Variants in EML5 observed in about 807,000 individuals in gnomAD.
EML5 encodes the protein echinoderm microtubule-associated protein-like 5.
EML5 carries 120 observed loss-of-function variants against 250.0 expected under a neutral mutation model. That is an observed-to-expected ratio of 0.48 (90% CI 0.41 to 0.56). The LOEUF (loss-of-function observed/expected upper bound fraction) is 0.56. EML5 is among the 20% of genes least tolerant of loss of function. The pLI is 0.00. For synonymous variants in EML5, 771 were observed against 806.5 expected, an observed-to-expected ratio of 0.96 and a Z score of 0.75; for missense variants, 2,006 against 2,437.6, an observed-to-expected ratio of 0.82 and a Z score of 3.73.
At chr14:88,680,293 G>T (rs2092689854) in intron 21 of EML5, among the ~76,000 whole-genome samples, 4 of 151,682 alleles carry the variant, frequency 2.6e-5, no homozygotes. Context: ...TTTTCTTCTA[G>T]TATTACAACC....
At position 88,621,309 on chromosome 14, in the gene EML5, AC is replaced by A. The variant is rs752164769; in HGVS notation, c.5014-9del. The A allele has an allele frequency of 6.2e-7, 1 of 1,613,840 alleles. No individual in the cohort carries two copies. Among genetic ancestry groups the A allele is most frequent in the East Asian group, 2.2e-5 (1 of 44,860 alleles). ...CCCAACAAGGATCTTGCCCTGAAAC[AC>A]AAGCAGGACCAATACAGTGAATGTA... On this transcript the variant is annotated splice_polypyrimidine_tract_variant and intron_variant, in intron 37 of 43. Transcript: ENST00000554922.
At chr14:88,763,361 A>G (rs1232599947) in intron 1 of EML5, among the ~76,000 whole-genome samples, 3 of 152,244 alleles carry the variant, frequency 2.0e-5, no homozygotes, top group African/African-American at 7.2e-5. Context: ...CTACCATCAG[A>G]GAATACTATA....
intron 21 of EML5, among the ~76,000 whole-genome samples, chr14:88,679,242 G>T (rs2092665371): frequency 6.7e-6 from 1 of 150,134 alleles, no homozygotes; most frequent in Non-Finnish European, 1.5e-5. Context: ...AGTACTGGGG[G>T]GTTAGAACTT....
In EML5 at chr14:88,785,230, G is replaced by A. The variant is rs188685479; in HGVS notation, c.197+7077C>T. Among the ~76,000 whole-genome samples, 282 of 152,020 alleles carry A rather than the reference G, an allele frequency of 1.9e-3. 1 individual carries two copies. The highest frequency in any genetic ancestry group is 6.4e-3 in the African/African-American group (267 of 41,504). On this transcript the variant is annotated intron_variant, in intron 1 of 43. Coordinates refer to ENST00000554922, the MANE Select transcript of EML5 (RefSeq NM_183387.3). ...CAGGGGGAAGTGGGGATGGTTAATG[G>A]GTACAAAAAAAGAGTTAGAATGAAT...
chr14:88,688,550 CTGT>C (rs896308878), intron 17 of EML5, 77 bp from the exon 18 acceptor site: 232 of 1,453,384 alleles, frequency 1.6e-4, no homozygotes, highest in Non-Finnish European at 1.8e-4. Context: ...TTCTTTTCTA[CTGT>C]TGTTGTTGTT....
chr14:88,665,713 G>A (rs2092287970), intron 21 of EML5, among the ~76,000 whole-genome samples: 1 of 152,118 alleles, frequency 6.6e-6, no homozygotes, highest in Admixed American at 6.6e-5. Flanking sequence ...AAGGGGCGAG[G>A]GGGAAGAGAG....
intron 7 of EML5, among the ~76,000 whole-genome samples, chr14:88,730,874 C>T (rs981215263): frequency 2.6e-5 from 4 of 151,918 alleles, no homozygotes; most frequent in South Asian, 2.1e-4. Context: ...ATTATGAAAA[C>T]GTAAGGGGTT....
chr14:88,665,686 G>C (rs1434831657), intron 21 of EML5, among the ~76,000 whole-genome samples, 197 bp from the exon 22 acceptor site: 1 of 152,148 alleles, frequency 6.6e-6, no homozygotes, highest in African/African-American at 2.4e-5. Context: ...TAGGGGAAGG[G>C]GCAAGGGGCA....
intron 1 of EML5, among the ~76,000 whole-genome samples, chr14:88,765,004 T>G (rs1184583662): frequency 3.3e-5 from 5 of 152,196 alleles, no homozygotes; most frequent in African/African-American, 7.2e-5. Context: ...TTCTATGCCA[T>G]GAATAATAAA....
chr14:88,635,457 G>C (rs538784101), intron 32 of EML5, among the ~76,000 whole-genome samples: 2 of 152,298 alleles, frequency 1.3e-5, no homozygotes, highest in South Asian at 4.1e-4. Context: ...GGAGAGACTA[G>C]GTTTGTCTCT....
At position 88,696,860 on chromosome 14, in the gene EML5, G is replaced by A. The variant is rs772474535; in HGVS notation, c.2331C>T (p.Ala777=). The change falls in exon 15 of 44, where the codon GCC becomes GCT. Residue 777 remains alanine (A), a synonymous_variant. Coordinates refer to ENST00000554922, the MANE Select transcript of EML5 (RefSeq NM_183387.3). ...LKGHHQYGVS[A]VDFSADGKRL... is the part of the protein sequence containing the mutation. ...AAACAGCCTTACCTGAGAAATCAAC[G>A]GCACTAACACCATACTGGTGGTGGC... 1.5e-5 allele frequency: 24 copies of A among 1,601,914 alleles called. No individual in the cohort carries two copies. The highest frequency in any genetic ancestry group is 1.7e-4 in the Middle Eastern group (1 of 6,034).
intron 2 of EML5, among the ~76,000 whole-genome samples, chr14:88,747,479 A>G (rs2094023063): frequency 6.6e-6 from 1 of 152,066 alleles, no homozygotes; most frequent in Non-Finnish European, 1.5e-5. Context: ...ACACAACAAA[A>G]TAAGAAACCA....
chr14:88,723,536 C>A (rs1013143479), intron 8 of EML5, among the ~76,000 whole-genome samples: 1 of 152,080 alleles, frequency 6.6e-6, no homozygotes, highest in African/African-American at 2.4e-5. Flanking sequence ...CTGTATGGCA[C>A]AGTGATTAGA....
chr14:88,792,564 G>T lies in EML5; in HGVS notation c.-61C>A. The T allele has an allele frequency of 8.2e-7, 1 of 1,213,042 alleles. No individual in the cohort carries two copies. Among genetic ancestry groups the T allele is most frequent in the Non-Finnish European group, 1.0e-6 (1 of 971,506 alleles). 75.1% of individuals were successfully genotyped at this position (1,213,042 alleles called of 1,614,324 possible). Reference sequence around the variant, plus strand: ...GCGGCGGCGACGGGAGGCGGCGGCGGCCCGGCAACGAAAGCCCTCCCGCTG... The same window carrying T: ...GCGGCGGCGACGGGAGGCGGCGGCGTCCCGGCAACGAAAGCCCTCCCGCTG... On this transcript the variant is annotated 5_prime_UTR_variant, in exon 1 of 44. Transcript: ENST00000554922. The surrounding 1 kb of genome is among the most constrained non-coding windows in gnomAD (Gnocchi z 6.9).
intron 7 of EML5, among the ~76,000 whole-genome samples, chr14:88,732,872 G>A (rs973617886): frequency 3.3e-5 from 5 of 152,216 alleles, no homozygotes; most frequent in Admixed American, 2.6e-4. Context: ...GTGCAGTGGC[G>A]CGATCTCAGC....
At chr14:88,685,174 C>T (rs746484150) in intron 19 of EML5, 32 bp from the exon 20 acceptor site, 5 of 1,567,580 alleles carry the variant, frequency 3.2e-6, no homozygotes, top group Admixed American at 1.8e-5. Context: ...TTCTTTTAGA[C>T]ATACAGTTAC....
At chr14:88,658,614 G>A (rs2091957132) in intron 25 of EML5, among the ~76,000 whole-genome samples, 1 of 151,988 alleles carries the variant, frequency 6.6e-6, no homozygotes, top group Admixed American at 6.6e-5. Context: ...TGGTACCCCA[G>A]GCAAAACTCT....
intron 32 of EML5, among the ~76,000 whole-genome samples, chr14:88,637,299 T>C (rs1287905266): frequency 6.6e-6 from 1 of 152,184 alleles, no homozygotes; most frequent in Non-Finnish European, 1.5e-5. Flanking sequence ...TCCCCAGATT[T>C]TGACTTGGAA....
At chr14:88,654,581 T>C (rs914278499) in intron 27 of EML5, among the ~76,000 whole-genome samples, 3 of 152,168 alleles carry the variant, frequency 2.0e-5, no homozygotes, top group Admixed American at 6.6e-5. Context: ...TCCATGTAGT[T>C]GTATGGTTCA....
Sources: allele counts gnomAD v4.1 joint callset (sites outside exome capture counted in the v4.1 genomes callset), GRCh38; gene constraint gnomAD v4.1.1; non-coding constraint Gnocchi (gnomAD v3.1); transcripts MANE v1.5; gene names NCBI Gene and HGNC (gene_info 2026-07-23, HGNC 2026-07-21).